IL7: variants seen among roughly 807,000 people sequenced by gnomAD.
The protein encoded by IL7 is interleukin 7, also known as interleukin-7.
IL7 carries 3 observed loss-of-function variants against 21.6 expected under a neutral mutation model. The observed-to-expected ratio is 0.14, with a 90% CI of 0.06 to 0.36. The LOEUF (loss-of-function observed/expected upper bound fraction) is 0.36. Among genes scored for constraint, IL7 ranks in the 10% least tolerant of loss-of-function variants. The pLI, the probability that IL7 is intolerant of heterozygous loss-of-function variation, is 1.00. For missense variants in IL7, 175 were observed against 200.2 expected, an observed-to-expected ratio of 0.87 and a Z score of 0.76; for synonymous variants, 62 against 68.1, an observed-to-expected ratio of 0.91 and a Z score of 0.44.
chr8:78,698,428 A>C (rs755939375), intron 3 of IL7: 3 of 1,612,344 alleles, frequency 1.9e-6, no homozygotes, highest in Admixed American at 3.3e-5. Flanking sequence ...TCCTTCAGGT[A>C]AAGTGTCTTC....
chr8:78,696,374 T>G (rs1736156790), intron 3 of IL7, among the ~76,000 whole-genome samples: 1 of 152,164 alleles, frequency 6.6e-6, no homozygotes, highest in African/African-American at 2.4e-5. Context: ...GATACCGTAT[T>G]GGGCTACATT....
chr8:78,754,147 C>T (rs750180798), intron 2 of IL7, among the ~76,000 whole-genome samples: 1 of 152,118 alleles, frequency 6.6e-6, no homozygotes, highest in Non-Finnish European at 1.5e-5. Context: ...ATTTAGAAAA[C>T]CTCATCGTCT....
intron 2 of IL7, among the ~76,000 whole-genome samples, chr8:78,784,164 T>C (rs1813434123): frequency 6.6e-6 from 1 of 152,156 alleles, no homozygotes; most frequent in African/African-American, 2.4e-5. Context: ...GGTAATTAAG[T>C]CATGAAGGTG....
At chr8:78,726,266 T>A (rs1408148598) in intron 3 of IL7, among the ~76,000 whole-genome samples, 1 of 152,028 alleles carries the variant, frequency 6.6e-6, no homozygotes, top group Admixed American at 6.6e-5. Context: ...TTTAGTGCTT[T>A]CTGTTAGGGT....
chr8:78,791,376 A>T (rs1416916336), intron 2 of IL7, among the ~76,000 whole-genome samples: 1 of 152,214 alleles, frequency 6.6e-6, no homozygotes, highest in Non-Finnish European at 1.5e-5. Context: ...ACAGTGACTC[A>T]TGCCTGTAAT....
intron 2 of IL7, among the ~76,000 whole-genome samples, chr8:78,775,909 G>T (rs1456918164): frequency 6.6e-6 from 1 of 151,940 alleles, no homozygotes; most frequent in South Asian, 2.1e-4. Flanking sequence ...ATATTTAGTG[G>T]TTATTAAATA....
At chr8:78,804,880 G>C in intron 1 of IL7, 33 bp downstream of exon 1, 1 of 1,612,244 alleles carries the variant, frequency 6.2e-7, no homozygotes, top group Non-Finnish European at 8.5e-7. Context: ...CGTCGGGCGC[G>C]CGAACTTGTG....
Position 78,677,413 on chromosome 8 carries a change from G to A in IL7, n.274-1309C>T, listed in dbSNP as rs1466092196. On this transcript the variant is annotated intron_variant and non_coding_transcript_variant, in intron 4 of 4. Coordinates refer to the IL7 transcript ENST00000523959. ...GATAAGCTCAAGAAAAATCTTAGGC[G>A]AAGAAAACTGCAAAGTTTGAGTTCC... Among the ~76,000 whole-genome samples the A allele has an allele frequency of 4.6e-5, 7 of 151,902 alleles. No individual in the cohort carries two copies. In the South Asian group the frequency reaches 6.2e-4, roughly 14 times the overall value.
intron 3 of IL7, among the ~76,000 whole-genome samples, chr8:78,700,863 G>T (rs1222866004): frequency 6.6e-6 from 1 of 151,652 alleles, no homozygotes; most frequent in East Asian, 1.9e-4. Context: ...ACTGGTCCAT[G>T]TTCCAGTACC....
chr8:78,765,743 A>G lies in IL7; in HGVS notation c.148-25661T>C, dbSNP rs112076976. On this transcript the variant is annotated intron_variant, in intron 2 of 5. Transcript: ENST00000263851. ...ATTCATTGCTGATGGGAAGGTAAACAGTACAGCCACTTTGAAAGACAGTTT... is the reference window on the plus strand; with the variant it reads ...ATTCATTGCTGATGGGAAGGTAAACGGTACAGCCACTTTGAAAGACAGTTT... Among the ~76,000 whole-genome samples, 522 of 152,240 alleles carry G rather than the reference A, an allele frequency of 3.4e-3. 3 individuals are homozygous for G. The highest frequency in any genetic ancestry group is 0.012 in the African/African-American group (488 of 41,546).
At chr8:78,748,080 A>C (rs892020169) in intron 2 of IL7, among the ~76,000 whole-genome samples, 1 of 152,174 alleles carries the variant, frequency 6.6e-6, no homozygotes, top group Non-Finnish European at 1.5e-5. Flanking sequence ...CTGAGAGAGG[A>C]AGAGACAGAA....
chr8:78,681,038 TC>T lies in IL7; in HGVS notation n.273+4850del, dbSNP rs1809760514. On this transcript the variant is annotated intron_variant and non_coding_transcript_variant, in intron 4 of 4. Coordinates refer to the IL7 transcript ENST00000523959. ...TAGAAAACATTAGTGAAAATCCCTT[TC>T]CTGAAGATGAGGGGCCTAACATAAA... is the stretch of plus-strand genomic sequence containing the variant. Among the ~76,000 whole-genome samples, 4 of 151,214 alleles carry T rather than the reference TC, an allele frequency of 2.6e-5. No homozygotes were observed. In the South Asian group the frequency reaches 8.4e-4, roughly 32 times the overall value.
chr8:78,787,021 A>G (rs1230448772), intron 2 of IL7, among the ~76,000 whole-genome samples: 1 of 152,228 alleles, frequency 6.6e-6, no homozygotes, highest in Non-Finnish European at 1.5e-5. Context: ...GGAGGGTGGC[A>G]TGCCCAGAGA....
intron 2 of IL7, among the ~76,000 whole-genome samples, chr8:78,744,954 C>G (rs1811927008): frequency 6.6e-6 from 1 of 152,152 alleles, no homozygotes; most frequent in South Asian, 2.1e-4. Context: ...GTCGTCCTGC[C>G]TTTGTTTTCT....
intron 3 of IL7, among the ~76,000 whole-genome samples, chr8:78,691,821 T>C (rs542785190): frequency 6.6e-6 from 1 of 151,880 alleles, no homozygotes; most frequent in Non-Finnish European, 1.5e-5. Context: ...GTTTCATATA[T>C]GTAACTCTAG....
intron 2 of IL7, among the ~76,000 whole-genome samples, chr8:78,773,715 T>G (rs1330867550): frequency 6.6e-6 from 1 of 152,202 alleles, no homozygotes; most frequent in Non-Finnish European, 1.5e-5. Context: ...TGGCATGATC[T>G]GAGCCTTGGT....
In IL7 at chr8:78,760,720, G is replaced by T. The variant is rs549995933; in HGVS notation, c.148-20638C>A. 5.6e-5 allele frequency: 88 copies of T among 1,560,780 alleles called. No homozygotes were observed. The East Asian group carries it at 1.6e-3, about 29-fold the overall frequency. On this transcript the variant is annotated intron_variant, in intron 2 of 5. Coordinates refer to ENST00000263851, the MANE Select transcript of IL7 (RefSeq NM_000880.4). Reference sequence around the variant, plus strand: ...GGGTTTCTTTATAGTAACTCTCAAAGGTTAGCTGAGATTCCAAGTTACCCT... The same window carrying T: ...GGGTTTCTTTATAGTAACTCTCAAATGTTAGCTGAGATTCCAAGTTACCCT...
At chr8:78,697,516 G>A in intron 3 of IL7, 7 of 1,598,854 alleles carry the variant, frequency 4.4e-6, no homozygotes, top group Non-Finnish European at 6.0e-6. Flanking sequence ...GGTAATGATA[G>A]CCGAAAAGCA....
intron 3 of IL7, among the ~76,000 whole-genome samples, chr8:78,708,839 G>A (rs1397905215): frequency 1.3e-5 from 2 of 151,864 alleles, no homozygotes; most frequent in Non-Finnish European, 2.9e-5. Context: ...TACCATGTCT[G>A]GCTAATTTTG....
Sources: gnomAD v4.1 joint callset for allele counts (sites outside exome capture counted in the v4.1 genomes callset) on GRCh38, gnomAD v4.1.1 for gene constraint, MANE v1.5 for transcripts, NCBI Gene and HGNC (gene_info 2026-07-23, HGNC 2026-07-21) for gene names.